COL22A1: variants seen among roughly 807,000 people sequenced by gnomAD.
COL22A1 encodes the protein collagen type XXII alpha 1 chain.
A neutral mutation model predicts 248.9 loss-of-function variants in COL22A1; 221 were observed. The ratio of observed to expected loss-of-function variants is 0.89; its 90% confidence interval spans 0.80 to 0.99. COL22A1 has a LOEUF of 0.99. COL22A1 is among the 50% of genes least tolerant of loss of function. The pLI is 0.00. For missense variants in COL22A1, 2,240 were observed against 2,179.0 expected (o/e 1.03, Z -0.56); for synonymous variants, 891 against 793.4 (o/e 1.12, Z -2.07).
chr8:138,661,675 G>A (rs983907100), intron 43 of COL22A1, among the ~76,000 whole-genome samples: 29 of 152,180 alleles, frequency 1.9e-4, no homozygotes, highest in African/African-American at 6.5e-4. Flanking sequence ...GCCATTCCAG[G>A]GAAGGGTCAG....
chr8:138,808,056 A>T (rs73723536), intron 9 of COL22A1, among the ~76,000 whole-genome samples: 1,954 of 152,298 alleles, frequency 0.013, 45 homozygotes, highest in African/African-American at 0.044. Flanking sequence ...CAAGATAGAA[A>T]CAAGCAAACT....
chr8:138,751,200 C>T (rs185492751), intron 22 of COL22A1, among the ~76,000 whole-genome samples: 1 of 152,268 alleles, frequency 6.6e-6, no homozygotes, highest in Non-Finnish European at 1.5e-5. Context: ...TGTGATCACC[C>T]AATGGATTCA....
intron 25 of COL22A1, 131 bp downstream of exon 25, chr8:138,724,484 G>A (rs1586576587): frequency 2.4e-6 from 2 of 820,310 alleles, no homozygotes; most frequent in Non-Finnish European, 2.0e-6. Context: ...CTCCGGGGCT[G>A]CAGGCCTTGC....
chr8:138,652,734 G>GTTTTTTTTTTTT (rs1564146836), intron 45 of COL22A1, among the ~76,000 whole-genome samples: 1 of 45,876 alleles, frequency 2.2e-5, no homozygotes, highest in African/African-American at 4.6e-5. Context: ...TTCCTTTTCT[G>GTTTTTTTTTTTT]GTTTTTTTTT....
intron 11 of COL22A1, among the ~76,000 whole-genome samples, 159 bp downstream of exon 11, chr8:138,802,713 G>A (rs1271698888): frequency 1.3e-5 from 2 of 152,146 alleles, no homozygotes; most frequent in Non-Finnish European, 2.9e-5. Context: ...CATGCCCATG[G>A]AGAGGAGCTA....
At chr8:138,752,819 A>G (rs113563588) in intron 21 of COL22A1, among the ~76,000 whole-genome samples, 2,408 of 152,360 alleles carry the variant, frequency 0.016, 58 homozygotes, top group African/African-American at 0.051. Context: ...CCAGCTTCTC[A>G]ATTCAATTCA....
chr8:138,868,825 G>A (rs1823099954), intron 3 of COL22A1, among the ~76,000 whole-genome samples: 1 of 151,896 alleles, frequency 6.6e-6, no homozygotes, highest in South Asian at 2.1e-4. Context: ...CTGCCTCCCA[G>A]GTTCAAGCAA....
intron 12 of COL22A1, among the ~76,000 whole-genome samples, chr8:138,788,464 A>G (rs769840130): frequency 4.6e-5 from 7 of 152,226 alleles, no homozygotes; most frequent in Non-Finnish European, 5.9e-5. Flanking sequence ...ACATGCATGA[A>G]TCCTAGCAGA....
In COL22A1 at chr8:138,841,595, AAGAGTCAGAACCTCTTCTGC is replaced by A. The variant is rs749836952; in HGVS notation, c.733+2469_733+2488del. ...TAGATTCATGAGTAAGCTAGGACAG[AAGAGTCAGAACCTCTTCTGC>A]AGAGTAGGAAGCATGGACTAGATTC... On this transcript the variant is annotated intron_variant, in intron 4 of 64. Transcript: ENST00000303045. 6.0e-4 allele frequency among the ~76,000 whole-genome samples: 91 copies of A among 152,158 alleles called. 1 individual carries two copies. The highest frequency in any genetic ancestry group is 1.5e-4 in the Non-Finnish European group (10 of 68,026).
Position 138,790,905 on chromosome 8 carries a change from C to T in COL22A1, c.1596+5914G>A, listed in dbSNP as rs566204109. On this transcript the variant is annotated intron_variant, in intron 12 of 64. Transcript: ENST00000303045. Reference sequence around the variant, plus strand: ...TAAGAGTTAATCATTCTCCAAAGCTCGCACCCCCATTTGCTGTCCCTGCCT... The same window carrying T: ...TAAGAGTTAATCATTCTCCAAAGCTTGCACCCCCATTTGCTGTCCCTGCCT... Among the ~76,000 whole-genome samples, 10 of 152,278 alleles carry T rather than the reference C, an allele frequency of 6.6e-5. No homozygotes were observed. The South Asian group carries it at 1.7e-3, about 25-fold the overall frequency.
rs1822228361 is a variant in COL22A1 at position 138,646,656 on chromosome 8, T to G, written c.3474A>C (p.Pro1158=). The change falls in exon 47 of 65, where the codon CCA becomes CCC. Residue 1158 remains proline, a synonymous_variant. Coordinates refer to ENST00000303045, the MANE Select transcript of COL22A1 (RefSeq NM_152888.3). ...KKGEAGPPGL[P]GPPGIAGPQG... is the part of the protein sequence containing the mutation. ...GTGGTCCAGCTATTCCTGGGGGCCC[T>G]GGTAGGCCTGGAGGCCCAGCCTCTC... is the stretch of plus-strand genomic sequence containing the variant. 5 of 1,579,298 alleles carry G rather than the reference T, an allele frequency of 3.2e-6. No individual in the cohort carries two copies. In the Admixed American group the frequency reaches 5.4e-5, roughly 17 times the overall value.
intron 10 of COL22A1, among the ~76,000 whole-genome samples, chr8:138,805,709 G>A (rs971009459): frequency 2.7e-5 from 4 of 148,118 alleles, no homozygotes; most frequent in African/African-American, 1.0e-4. Flanking sequence ...GTGGGATGGT[G>A]TGTGATGGTG....
At chr8:138,654,190 G>C (rs1200152826) in intron 45 of COL22A1, among the ~76,000 whole-genome samples, 1 of 152,130 alleles carries the variant, frequency 6.6e-6, no homozygotes, top group Non-Finnish European at 1.5e-5. Flanking sequence ...GAGATGGCTG[G>C]TGGCTGATGA....
chr8:138,782,538 C>T (rs1378490661), intron 12 of COL22A1, among the ~76,000 whole-genome samples: 1 of 152,130 alleles, frequency 6.6e-6, no homozygotes, highest in African/African-American at 2.4e-5. Flanking sequence ...TGGTGGCAGG[C>T]ACCTATAATC....
chr8:138,721,177 A>G (rs1173308480), intron 26 of COL22A1, among the ~76,000 whole-genome samples: 1 of 152,232 alleles, frequency 6.6e-6, no homozygotes, highest in Non-Finnish European at 1.5e-5. Context: ...ATGCCTAGAA[A>G]ACTAAATTAA....
At chr8:138,672,632 G>A (rs796862997) in intron 41 of COL22A1, among the ~76,000 whole-genome samples, 5 of 152,318 alleles carry the variant, frequency 3.3e-5, no homozygotes, top group African/African-American at 1.2e-4. Context: ...GACAGTGAGA[G>A]GCTCAAAAAG....
chr8:138,699,121 A>G (rs761185404), intron 32 of COL22A1, among the ~76,000 whole-genome samples: 3 of 152,180 alleles, frequency 2.0e-5, no homozygotes, highest in Non-Finnish European at 4.4e-5. Flanking sequence ...AAAGGCTCAC[A>G]GCCAGAGCCC....
chr8:138,669,361 T>C (rs1824811162), intron 41 of COL22A1, among the ~76,000 whole-genome samples: 1 of 152,178 alleles, frequency 6.6e-6, no homozygotes, highest in Non-Finnish European at 1.5e-5. Context: ...ATGAGGGTCC[T>C]GGAGGCCGGT....
At chr8:138,845,038 G>A (rs1242812548) in intron 3 of COL22A1, among the ~76,000 whole-genome samples, 1 of 151,934 alleles carries the variant, frequency 6.6e-6, no homozygotes, top group Non-Finnish European at 1.5e-5. Context: ...TTGTGTGCAG[G>A]GACGGACCAG....
Sources: allele counts gnomAD v4.1 joint callset (sites outside exome capture counted in the v4.1 genomes callset), GRCh38; gene constraint gnomAD v4.1.1; transcripts MANE v1.5; gene names NCBI Gene and HGNC (gene_info 2026-07-23, HGNC 2026-07-21).